Variants in ADGRA3 observed in about 807,000 individuals in gnomAD.
ADGRA3 encodes G-protein coupled receptor 125.
ADGRA3 carries 56 observed loss-of-function variants against 119.8 expected under a neutral mutation model. The observed-to-expected ratio is 0.47, with a 90% confidence interval of 0.38 to 0.58. ADGRA3 has a LOEUF of 0.58. ADGRA3 is among the 20% of genes least tolerant of loss of function. ADGRA3 has a pLI of 0.00. For missense variants in ADGRA3, 1,516 were observed against 1,649.0 expected (o/e 0.92, Z 1.40); for synonymous variants, 607 against 623.8 (o/e 0.97, Z 0.40).
chr4:22,515,161 G>A (rs999503359), intron 1 of ADGRA3, among the ~76,000 whole-genome samples: 7 of 152,202 alleles, frequency 4.6e-5, no homozygotes, highest in African/African-American at 1.7e-4. Flanking sequence ...ATCAAGCATT[G>A]TGTTTTCTGG....
intron 2 of ADGRA3, among the ~76,000 whole-genome samples, chr4:22,464,620 G>A (rs548743037): frequency 6.6e-6 from 1 of 152,178 alleles, no homozygotes; most frequent in African/African-American, 2.4e-5. Context: ...CAGCGCTCAC[G>A]CCTGCAGTCC....
In ADGRA3 at chr4:22,429,275, TAC is replaced by T. The variant is rs1305360742; in HGVS notation, c.1444-4925_1444-4924del. On this transcript the variant is annotated intron_variant, in intron 10 of 18. Transcript: ENST00000334304. ...GTACGTGCACTTCCTTTTCTAGAAG[TAC>T]AGAGGACTGAGTACTCTGGAGAACT... is the stretch of plus-strand genomic sequence containing the variant. Among the ~76,000 whole-genome samples the T allele has an allele frequency of 3.9e-5, 6 of 152,272 alleles. No individual in the cohort carries two copies. The East Asian group carries it at 1.2e-3, about 29-fold the overall frequency.
In ADGRA3 at chr4:22,413,788, C is replaced by T. The variant is rs767813914; in HGVS notation, c.1836G>A (p.Gln612=). The change falls in exon 13 of 19, where the codon CAG becomes CAA. Residue 612 remains glutamine, a synonymous_variant. Transcript: ENST00000334304. ...LKNTIVEASI[Q]LPPSLFSPKQ... is the part of the protein sequence containing the mutation. ...TTGGTGAGAAAAGGGAAGGAGGAAG[C>T]TGAATAGAAGCCTCCACAATAGTAT... 26 of 1,613,020 alleles carry T rather than the reference C, an allele frequency of 1.6e-5. No individual in the cohort carries two copies. The highest frequency in any genetic ancestry group is 2.1e-5 in the Non-Finnish European group (25 of 1,179,564).
intron 14 of ADGRA3, among the ~76,000 whole-genome samples, chr4:22,403,311 G>T (rs926868196): frequency 1.3e-5 from 2 of 152,110 alleles, no homozygotes; most frequent in African/African-American, 4.8e-5. Flanking sequence ...ATAACGGTAA[G>T]ACATGGTTCC....
intron 10 of ADGRA3, among the ~76,000 whole-genome samples, chr4:22,427,945 T>C (rs1352988771): frequency 6.6e-6 from 1 of 152,056 alleles, no homozygotes; most frequent in East Asian, 1.9e-4. Context: ...GAAGATAAAA[T>C]GGGGAAGAAA....
intron 14 of ADGRA3, among the ~76,000 whole-genome samples, chr4:22,409,964 G>A (rs1715125713): frequency 6.6e-6 from 1 of 152,144 alleles, no homozygotes; most frequent in South Asian, 2.1e-4. Flanking sequence ...ATCCATGTGA[G>A]TATAGTACTT....
chr4:22,407,572 T>C (rs1714992680), intron 14 of ADGRA3, among the ~76,000 whole-genome samples: 1 of 152,150 alleles, frequency 6.6e-6, no homozygotes, highest in African/African-American at 2.4e-5. Flanking sequence ...ATGACCACAG[T>C]CCATCACTAA....
intron 14 of ADGRA3, among the ~76,000 whole-genome samples, chr4:22,406,169 G>A (rs565871479): frequency 1.3e-5 from 2 of 152,186 alleles, no homozygotes; most frequent in East Asian, 3.9e-4. Context: ...TGACTGAATA[G>A]TACTCCTTGG....
intron 12 of ADGRA3, among the ~76,000 whole-genome samples, chr4:22,415,802 G>T (rs1387017358): frequency 1.3e-5 from 2 of 151,660 alleles, no homozygotes; most frequent in Non-Finnish European, 1.5e-5. Flanking sequence ...GTTAGAAAAG[G>T]TCTCCTACAC....
intron 2 of ADGRA3, among the ~76,000 whole-genome samples, chr4:22,472,365 G>A (rs1441493126): frequency 1.3e-5 from 2 of 152,150 alleles, no homozygotes; most frequent in East Asian, 3.9e-4. Context: ...TCCTGAACCA[G>A]CAGTGACCAT....
chr4:22,511,693 G>C (rs182743707), intron 1 of ADGRA3, among the ~76,000 whole-genome samples: 2 of 151,938 alleles, frequency 1.3e-5, no homozygotes. Flanking sequence ...GGCCATCCTC[G>C]ACTCAGCCCC....
intron 4 of ADGRA3, among the ~76,000 whole-genome samples, chr4:22,452,632 G>A (rs374854395): frequency 1.0e-3 from 158 of 152,230 alleles, no homozygotes; most frequent in African/African-American, 3.7e-3. Flanking sequence ...AAACATTTTA[G>A]TTCTTGACGA....
chr4:22,510,873 T>C (rs1030588903), intron 1 of ADGRA3, among the ~76,000 whole-genome samples: 2 of 152,194 alleles, frequency 1.3e-5, no homozygotes, highest in African/African-American at 4.8e-5. Flanking sequence ...GGGATAGTCT[T>C]TTAATTGTTC....
rs1160048893 is a variant in ADGRA3 at position 22,413,185 on chromosome 4, T to G, written c.2229A>C (p.Leu743Phe). ...QCYSLSNYAV[L>F]MDLTGSELYT... ...ATAAAGTTAACAACTGCCATACCAT[T>G]AAAACTGCATAGTTACTAAGGGAGT... The change falls in exon 14 of 19, where the codon TTA becomes TTC. Residue 743 changes from leucine (L) to phenylalanine (F), a missense_variant. Leu to Phe is a conservative substitution (Grantham distance 22). This residue lies in a region of ADGRA3 where 1,088 missense variants were observed against 1,107.1 expected (regional missense o/e 0.98). Coordinates refer to ENST00000334304, the MANE Select transcript of ADGRA3 (RefSeq NM_145290.4). The G allele has an allele frequency of 1.9e-6, 3 of 1,609,920 alleles. No homozygotes were observed. Among genetic ancestry groups the G allele is most frequent in the Non-Finnish European group, 2.6e-6 (3 of 1,176,294 alleles).
rs1577315407 is a variant in ADGRA3, at chr4:22,387,501, C to A, written c.*204G>T. 8.2e-6 allele frequency: 4 copies of A among 486,430 alleles called. No homozygotes were observed. In the East Asian group the frequency reaches 1.3e-4, roughly 15 times the overall value. The allele number at this position is 486,430 out of a possible 1,614,324, so 30.1% of individuals were successfully genotyped here. A position where few individuals can be genotyped will look rare whatever the true frequency, so the allele number is the denominator to read the frequency against. On this transcript the variant is annotated 3_prime_UTR_variant, in exon 19 of 19. Transcript: ENST00000334304. ...CCTGTTGGTGCTTTGACAACTAAAA[C>A]AATGTTTTAGAAAGATTTTGTTTCA...
intron 1 of ADGRA3, among the ~76,000 whole-genome samples, chr4:22,493,099 G>A (rs1355025326): frequency 6.6e-6 from 1 of 152,054 alleles, no homozygotes; most frequent in African/African-American, 2.4e-5. Context: ...CAAGTAGCTG[G>A]GACCACAAGT....
chr4:22,411,654 T>A (rs931114436), intron 14 of ADGRA3, among the ~76,000 whole-genome samples: 1 of 152,130 alleles, frequency 6.6e-6, no homozygotes, highest in Non-Finnish European at 1.5e-5. Context: ...TGTGAACTTA[T>A]AGAAACCAGA....
chr4:22,433,863 AG>A (rs1402479850), intron 10 of ADGRA3, among the ~76,000 whole-genome samples: 13 of 152,162 alleles, frequency 8.5e-5, no homozygotes, highest in Non-Finnish European at 1.8e-4. Context: ...AATTCACTGC[AG>A]GAAAGTGGGC....
In ADGRA3 at chr4:22,424,365, C is replaced by G; in HGVS notation, c.1444-13G>C. The G allele has an allele frequency of 1.2e-6, 2 of 1,603,954 alleles. No individual in the cohort carries two copies. The highest frequency in any genetic ancestry group is 1.7e-6 in the Non-Finnish European group (2 of 1,174,686). Reference sequence around the variant, plus strand: ...TCACGTCACCTAGCTAGCAGGGGTTCAGGAGAAAAAAGAAAGATCTTTAAA... The same window carrying G: ...TCACGTCACCTAGCTAGCAGGGGTTGAGGAGAAAAAAGAAAGATCTTTAAA... On this transcript the variant is annotated splice_polypyrimidine_tract_variant and intron_variant, in intron 10 of 18. Transcript: ENST00000334304.
Sources: allele counts gnomAD v4.1 joint callset (sites outside exome capture counted in the v4.1 genomes callset), GRCh38; gene constraint gnomAD v4.1.1; regional missense constraint gnomAD v4.1.1; transcripts MANE v1.5; gene names NCBI Gene and HGNC (gene_info 2026-07-23, HGNC 2026-07-21).